PRSS38: variants seen among roughly 807,000 people sequenced by gnomAD.
PRSS38 encodes marapsin 2.
Under a neutral mutation model 26.8 loss-of-function variants are expected in PRSS38, and 22 were observed. The ratio of observed to expected loss-of-function variants is 0.82; its 90% confidence interval spans 0.59 to 1.17. PRSS38 has a LOEUF of 1.17. Among genes scored for constraint, PRSS38 ranks in the 50% most tolerant of loss-of-function variants. PRSS38 has a pLI of 0.00. For synonymous variants in PRSS38, 175 were observed against 172.1 expected (o/e 1.02, Z -0.13); for missense variants, 427 against 422.7 (o/e 1.01, Z -0.09).
exon 5 of PRSS38, chr1:227,846,045 T>C (rs1238544902): frequency 6.2e-7 from 1 of 1,614,218 alleles, no homozygotes; most frequent in South Asian, 1.1e-5. Context: ...TCCAACCCTC[T>C]GTACCCTGGA....
chr1:227,840,130 T>C (rs1665298223), intron 3 of PRSS38, among the ~76,000 whole-genome samples: 1 of 152,198 alleles, frequency 6.6e-6, no homozygotes, highest in South Asian at 2.1e-4. Flanking sequence ...ACTTTTGTTT[T>C]TAAAATCTTA....
At chr1:227,833,700 C>A (rs1275279039) in intron 3 of PRSS38, among the ~76,000 whole-genome samples, 4 of 152,196 alleles carry the variant, frequency 2.6e-5, no homozygotes, top group Non-Finnish European at 5.9e-5. Flanking sequence ...GTGCCAAGTC[C>A]ATTCCATGGG....
rs893554976 is a variant in PRSS38 at position 227,845,719 on chromosome 1, A to G, written c.726+107A>G. 8 of 1,377,608 alleles carry G rather than the reference A, an allele frequency of 5.8e-6. No homozygotes were observed. In the African/African-American group the frequency reaches 1.1e-4, roughly 20 times the overall value. The allele number at this position is 1,377,608 out of a possible 1,614,324, so 85.3% of individuals were successfully genotyped here. A position where few individuals can be genotyped will look rare whatever the true frequency, so the allele number is the denominator to read the frequency against. ...ACTGACTAGCAGGAGCCCTGCAGCC[A>G]TGCCCCAAGCTGAGCAGGGCGATGT... is the stretch of plus-strand genomic sequence containing the variant. On this transcript the variant is annotated intron_variant, in intron 4 of 4. Transcript: ENST00000366757.
exon 5 of PRSS38, chr1:227,846,267 C>T (rs1056615235): frequency 5.7e-6 from 9 of 1,581,712 alleles, no homozygotes; most frequent in African/African-American, 4.0e-5. Context: ...GCCCAGCTGC[C>T]TCCAGACCCC....
chr1:227,825,141 G>T (rs1209331634), intron 3 of PRSS38, among the ~76,000 whole-genome samples: 1 of 152,116 alleles, frequency 6.6e-6, no homozygotes, highest in African/African-American at 2.4e-5. Flanking sequence ...TGAAACCTTT[G>T]CCTGTGCCTA....
chr1:227,841,195 C>G (rs1255128683), intron 3 of PRSS38, among the ~76,000 whole-genome samples: 1 of 152,246 alleles, frequency 6.6e-6, no homozygotes, highest in East Asian at 1.9e-4. Flanking sequence ...TGCTGGCTGG[C>G]CTGGGATAGC....
intron 3 of PRSS38, among the ~76,000 whole-genome samples, chr1:227,839,199 C>T (rs1665280001): frequency 6.6e-6 from 1 of 152,160 alleles, no homozygotes; most frequent in African/African-American, 2.4e-5. Context: ...GTGGTTCAAG[C>T]CTGTAATCCC....
rs777745841 is a variant in PRSS38, at chr1:227,816,078, T to C, written c.149-12T>C. 4 of 1,607,242 alleles carry C rather than the reference T, an allele frequency of 2.5e-6. No individual in the cohort carries two copies. The South Asian group carries it at 4.4e-5, about 18-fold the overall frequency. ...CAGCATGGCTCCACCGTCAGCTCCGTTCTCCCTGCAGCCTGTGGTCGGCCC... is the reference window on the plus strand; with the variant it reads ...CAGCATGGCTCCACCGTCAGCTCCGCTCTCCCTGCAGCCTGTGGTCGGCCC... On this transcript the variant is annotated splice_polypyrimidine_tract_variant and intron_variant, in intron 1 of 4. Transcript: ENST00000366757. The surrounding 1 kb of genome is among the most constrained non-coding windows in gnomAD (Gnocchi z 5.1).
At chr1:227,828,205 C>T (rs1665102480) in intron 3 of PRSS38, among the ~76,000 whole-genome samples, 1 of 152,092 alleles carries the variant, frequency 6.6e-6, no homozygotes, top group African/African-American at 2.4e-5. Context: ...TCTATTAGGT[C>T]CACTTGATCC....
At chr1:227,832,175 A>C (rs1224401794) in intron 3 of PRSS38, among the ~76,000 whole-genome samples, 1 of 152,168 alleles carries the variant, frequency 6.6e-6, no homozygotes, top group East Asian at 1.9e-4. Context: ...CTTTCAATCT[A>C]TATATGCCTC....
intron 3 of PRSS38, 65 bp from the exon 4 acceptor site, chr1:227,845,405 G>C (rs570235759): frequency 8.4e-7 from 1 of 1,192,068 alleles, no homozygotes; most frequent in Admixed American, 1.9e-5. Flanking sequence ...TCCACTGTGG[G>C]GCAGGGATCC....
chr1:227,840,056 T>G (rs938993458), intron 3 of PRSS38, among the ~76,000 whole-genome samples: 1 of 152,202 alleles, frequency 6.6e-6, no homozygotes, highest in Non-Finnish European at 1.5e-5. Flanking sequence ...AAACTACAGA[T>G]GAGGAGTCAG....
At chr1:227,833,024 G>C (rs1665179052) in intron 3 of PRSS38, among the ~76,000 whole-genome samples, 1 of 152,112 alleles carries the variant, frequency 6.6e-6, no homozygotes, top group African/African-American at 2.4e-5. Flanking sequence ...GTTACAGAAA[G>C]AAATTTTTGA....
At position 227,816,139 on chromosome 1, in the gene PRSS38, G is replaced by T. The variant is rs146414180; in HGVS notation, c.198G>T (p.Ala66=). ...GGAAAATCCTGGGCGGCGTCCCTGC[G>T]CCCGAGAGGAAGTGGCCGTGGCAGG... is the stretch of plus-strand genomic sequence containing the variant. Residue 66 remains alanine, a synonymous_variant, in exon 2 of 5, where the codon GCG becomes GCT. Transcript: ENST00000366757. This position sits in a 1 kb window ranked among gnomAD's most constrained non-coding sequence, Gnocchi z 5.1. 2 of 1,613,748 alleles carry T rather than the reference G, an allele frequency of 1.2e-6. No homozygotes were observed. The highest frequency in any genetic ancestry group is 1.1e-5 in the South Asian group (1 of 91,072).
exon 5 of PRSS38, chr1:227,846,112 G>A (rs752132185): frequency 3.0e-5 from 48 of 1,613,906 alleles, no homozygotes; most frequent in African/African-American, 1.1e-4. Context: ...TAGAAATCAC[G>A]CCCACTCCTG....
At chr1:227,827,876 T>C (rs1002955964) in intron 3 of PRSS38, among the ~76,000 whole-genome samples, 13 of 152,218 alleles carry the variant, frequency 8.5e-5, no homozygotes, top group Admixed American at 8.5e-4. Context: ...ATCCCAGAGA[T>C]TCTGATATGT....
intron 3 of PRSS38, among the ~76,000 whole-genome samples, chr1:227,820,587 C>T (rs12566153): frequency 0.12 from 18,942 of 151,958 alleles, 1,882 homozygotes; most frequent in African/African-American, 0.28. Flanking sequence ...GGATAAATCT[C>T]GCTTTGTCAT....
In PRSS38 at chr1:227,816,008, G is replaced by A; in HGVS notation, c.149-82G>A. On this transcript the variant is annotated intron_variant, in intron 1 of 4. Transcript: ENST00000366757. The surrounding 1 kb of genome is among the most constrained non-coding windows in gnomAD (Gnocchi z 5.1). ...GCCTTCCCTTCCTCCTGTGTCCCCTGCCCCTCCCCCACGTCCCCTGCCTGC... is the reference window on the plus strand; with the variant it reads ...GCCTTCCCTTCCTCCTGTGTCCCCTACCCCTCCCCCACGTCCCCTGCCTGC... 4.2e-6 allele frequency: 6 copies of A among 1,425,898 alleles called. 1 individual carries two copies. In the South Asian group the frequency reaches 7.3e-5, roughly 17 times the overall value. 88.3% of individuals were successfully genotyped at this position (1,425,898 alleles called of 1,614,324 possible).
At chr1:227,827,490 T>C (rs1234450670) in intron 3 of PRSS38, among the ~76,000 whole-genome samples, 4 of 152,158 alleles carry the variant, frequency 2.6e-5, no homozygotes, top group Non-Finnish European at 4.4e-5. Context: ...GTGTTTATAG[T>C]GTTCTCTGAT....
Sources: allele counts gnomAD v4.1 joint callset (sites outside exome capture counted in the v4.1 genomes callset), GRCh38; gene constraint gnomAD v4.1.1; non-coding constraint Gnocchi (gnomAD v3.1); transcripts MANE v1.5; gene names NCBI Gene and HGNC (gene_info 2026-07-23, HGNC 2026-07-21).